The following CD5 variants were observed in gnomAD, a reference collection of about 807,000 sequenced individuals.
CD5 encodes CD5 molecule.
In CD5, 36 loss-of-function variants were observed where a neutral mutation model predicts 60.3. That is an observed-to-expected ratio of 0.60 (90% confidence interval 0.46 to 0.79). The LOEUF is 0.79. CD5 is among the 30% of genes least tolerant of loss of function. The pLI is 0.00. For synonymous variants in CD5, 230 were observed against 257.6 expected (o/e 0.89, Z 1.03); for missense variants, 540 against 630.6 (o/e 0.86, Z 1.54).
chr11:61,125,653 CCT>C, intron 9 of CD5, 96 bp from the exon 10 acceptor site: 1 of 723,284 alleles, frequency 1.4e-6, no homozygotes, highest in Admixed American at 2.6e-5. Context: ...TCATAAAGCC[CCT>C]GTGATCTTCC....
intron 1 of CD5, among the ~76,000 whole-genome samples, chr11:61,105,109 G>A (rs1327327951): frequency 2.0e-5 from 3 of 152,230 alleles, no homozygotes; most frequent in Admixed American, 1.3e-4. Flanking sequence ...GGCTGGCATC[G>A]GGGCTTGGGG....
intron 1 of CD5, among the ~76,000 whole-genome samples, chr11:61,107,181 T>C (rs1441655442): frequency 1.3e-5 from 2 of 152,090 alleles, no homozygotes; most frequent in African/African-American, 4.8e-5. Context: ...CATGAGAAGA[T>C]GATATTTGAG....
chr11:61,117,982 C>T (rs1225169617), intron 2 of CD5, among the ~76,000 whole-genome samples, 193 bp from the exon 3 acceptor site: 1 of 152,162 alleles, frequency 6.6e-6, no homozygotes, highest in Non-Finnish European at 1.5e-5. Flanking sequence ...GGTCTAGCTT[C>T]GGGGCTGCCT....
At chr11:61,106,658 C>T (rs565601585) in intron 1 of CD5, among the ~76,000 whole-genome samples, 1 of 151,808 alleles carries the variant, frequency 6.6e-6, no homozygotes, top group African/African-American at 2.4e-5. Flanking sequence ...AACATCTATT[C>T]TGTGTGTGTG....
rs1319750146 is a variant in CD5, at chr11:61,104,118, ATGTGTGAGTCTG to A, written c.55+1534_55+1545del. On this transcript the variant is annotated intron_variant, in intron 1 of 10. Transcript: ENST00000347785. Reference sequence around the variant, plus strand: ...TGTGTGTGAGTACTGTGTGGGGGGAATGTGTGAGTCTGTGTGTGAGTCTGTGTGTGAGTCTGT... The same window carrying A: ...TGTGTGTGAGTACTGTGTGGGGGGAATGTGTGAGTCTGTGTGTGAGTCTGT... 3.9e-4 allele frequency among the ~76,000 whole-genome samples: 55 copies of A among 141,158 alleles called. No homozygotes were observed. The South Asian group carries it at 4.9e-3, about 12-fold the overall frequency. 92.6% of individuals were successfully genotyped at this position (141,158 alleles called of 152,430 possible).
chr11:61,100,540 C>T (rs1860655538), upstream of CD5, among the ~76,000 whole-genome samples: 1 of 141,338 alleles, frequency 7.1e-6, no homozygotes, highest in Non-Finnish European at 1.5e-5. Flanking sequence ...CATTCACACA[C>T]ATAAACATGG....
At chr11:61,123,853 C>T in intron 7 of CD5, 31 bp from the exon 8 acceptor site, 1 of 1,590,130 alleles carries the variant, frequency 6.3e-7, no homozygotes, top group Non-Finnish European at 8.6e-7. Context: ...GCCCCCACCA[C>T]TCTGATGTGC....
chr11:61,119,268 C>A lies in CD5; in HGVS notation c.498C>A (p.Gly166=). ...PPRLQLVAQS[G]GQHCAGVVEF... ...GGCTGCAGCTGGTGGCACAGTCTGG[C>A]GGCCAGCACTGTGCCGGCGTGGTGG... The change falls in exon 5 of 11, where the codon GGC becomes GGA. Residue 166 remains glycine, a synonymous_variant. Transcript: ENST00000347785. 6.2e-7 allele frequency: 1 copy of A among 1,610,896 alleles called. No homozygotes were observed. The highest frequency in any genetic ancestry group is 1.1e-5 in the South Asian group (1 of 90,822).
Position 61,112,704 on chromosome 11 carries a change from C to T in CD5, c.56-2352C>T, listed in dbSNP as rs546453147. Among the ~76,000 whole-genome samples the T allele has an allele frequency of 1.1e-4, 17 of 152,240 alleles. 1 individual carries two copies. The South Asian group carries it at 3.5e-3, about 32-fold the overall frequency. ...ACTAGACCATCCTTTTCCACCCAGG[C>T]CAGAGCTCTGTACACTTCCCTGTTG... is the stretch of plus-strand genomic sequence containing the variant. On this transcript the variant is annotated intron_variant, in intron 1 of 10. Transcript: ENST00000347785.
intron 1 of CD5, among the ~76,000 whole-genome samples, chr11:61,113,695 A>G (rs112379525): frequency 0.02 from 3,005 of 151,790 alleles, 83 homozygotes; most frequent in South Asian, 0.059. Context: ...TAAAGACAGA[A>G]TCTCACTCTC....
intron 6 of CD5, 56 bp from the exon 7 acceptor site, chr11:61,122,851 C>A: frequency 6.5e-7 from 1 of 1,534,684 alleles, no homozygotes; most frequent in Non-Finnish European, 8.8e-7. Flanking sequence ...AGCTTCCCTC[C>A]CACAGTTTTT....
At chr11:61,096,301 C>T in the CD5 span, among the ~76,000 whole-genome samples, 5 of 152,210 alleles carry the variant, frequency 3.3e-5, no homozygotes, top group Non-Finnish European at 5.9e-5. Context: ...GATGAGGGAG[C>T]TTTGTTCAAT....
At position 61,121,744 on chromosome 11, in the gene CD5, G is replaced by T. The variant is rs780314882; in HGVS notation, c.939G>T (p.Glu313Asp). The change falls in exon 6 of 11, where the codon GAG becomes GAT. Residue 313 changes from glutamate (E) to aspartate (D), a missense_variant. By Grantham distance (45) the Glu-to-Asp change is conservative (BLOSUM62 2). Coordinates refer to ENST00000347785, the MANE Select transcript of CD5 (RefSeq NM_014207.4). Reference sequence around the variant, plus strand: ...CAGCCAGGAGCTCGCTGCGGTGGGAGGAGGTGTGCCGGGAGCAGCAGTGTG... The same window carrying T: ...CAGCCAGGAGCTCGCTGCGGTGGGATGAGGTGTGCCGGGAGCAGCAGTGTG... ...SSSARSSLRWEEVCREQQCGS... is the reference protein window; with the variant it reads ...SSSARSSLRWDEVCREQQCGS... The T allele has an allele frequency of 3.1e-6, 5 of 1,611,754 alleles. No individual in the cohort carries two copies. In the East Asian group the frequency reaches 1.1e-4, roughly 36 times the overall value.
rs1447416505 is a variant in CD5, at chr11:61,118,923, A to G, written c.409A>G (p.Lys137Glu). The change falls in exon 4 of 11, where the codon AAG becomes GAG. Residue 137 changes from lysine to glutamate, a missense_variant. Transcript: ENST00000347785. This position sits in a 1 kb window ranked among gnomAD's most constrained non-coding sequence, Gnocchi z 4.7. ...SLGLTCLEPQ[K>E]TTPPTTRPPP... ...AGAGTGTCTCATTGCAGAACCCCAG[A>G]AGACAACACCTCCAACGACAAGGCC... 2.5e-6 allele frequency: 4 copies of G among 1,613,676 alleles called. No homozygotes were observed. In the Admixed American group the frequency reaches 6.7e-5, roughly 27 times the overall value.
intron 5 of CD5, among the ~76,000 whole-genome samples, 157 bp from the exon 6 acceptor site, chr11:61,121,454 G>A (rs902539981): frequency 6.6e-6 from 1 of 152,250 alleles, no homozygotes; most frequent in Non-Finnish European, 1.5e-5. Context: ...GCCAGAAGGA[G>A]GGAAGGGCAG....
chr11:61,109,714 T>C (rs1445250081), intron 1 of CD5, among the ~76,000 whole-genome samples: 2 of 152,046 alleles, frequency 1.3e-5, no homozygotes, highest in South Asian at 2.1e-4. Flanking sequence ...TCTCTGCCAA[T>C]GCAAAGACAA....
rs752377053 is a variant in CD5 at position 61,119,315 on chromosome 11, G to T, written c.545G>T (p.Gly182Val). 1.9e-6 allele frequency: 3 copies of T among 1,613,990 alleles called. No homozygotes were observed. The highest frequency in any genetic ancestry group is 1.7e-6 in the Non-Finnish European group (2 of 1,180,038). ...GVVEFYSGSL[G>V]GTISYEAQDK... is the part of the protein sequence containing the mutation. ...GTGGAGTTCTACAGCGGCAGCCTGGGGGGTACCATCAGCTATGAGGCCCAG... is the reference window on the plus strand; with the variant it reads ...GTGGAGTTCTACAGCGGCAGCCTGGTGGGTACCATCAGCTATGAGGCCCAG... Residue 182 changes from glycine (G) to valine (V), a missense_variant, in exon 5 of 11, where the codon GGG (glycine) becomes GTG (valine). Transcript: ENST00000347785.
At chr11:61,100,558 A>ATT (rs201714058), upstream of CD5, among the ~76,000 whole-genome samples, 1 of 134,580 alleles carries the variant, frequency 7.4e-6, no homozygotes, top group African/African-American at 3.0e-5. Context: ...TGGAGATCAC[A>ATT]CACACACATC....
rs769619420 is a variant in CD5, at chr11:61,125,080, AC to A, written c.1332del (p.Thr445GlnfsTer171). On this transcript the variant is annotated frameshift_variant, in exon 9 of 11. Coordinates refer to ENST00000347785, the MANE Select transcript of CD5 (RefSeq NM_014207.4). LOFTEE classifies it high-confidence loss of function. ...HTATVRSHAE[N>X]PTASHVDNEY... ...GCAACCGTCCGATCCCATGCTGAGA[AC>A]CCCACAGCCTCCCACGTGGATAACG... The A allele has an allele frequency of 6.2e-7, 1 of 1,613,824 alleles. No homozygotes were observed. The highest frequency in any genetic ancestry group is 2.2e-5 in the East Asian group (1 of 44,848).
Sources: allele counts gnomAD v4.1 joint callset (sites outside exome capture counted in the v4.1 genomes callset), GRCh38; gene constraint gnomAD v4.1.1; non-coding constraint Gnocchi (gnomAD v3.1); transcripts MANE v1.5; gene names NCBI Gene and HGNC (gene_info 2026-07-23, HGNC 2026-07-21).